The following DHRSX variants were observed in gnomAD, a reference collection of about 807,000 sequenced individuals.
DHRSX encodes the protein dehydrogenase/reductase X-linked.
Under a neutral mutation model 34.0 loss-of-function variants are expected in DHRSX, and 31 were observed. That is an observed-to-expected ratio of 0.91 (90% CI 0.69 to 1.23). The LOEUF (loss-of-function observed/expected upper bound fraction) is 1.23, where lower values mean the gene tolerates loss of function less well. DHRSX is among the 50% of genes most tolerant of loss of function. The pLI is 0.00. For synonymous variants in DHRSX, 201 were observed against 183.8 expected, an observed-to-expected ratio of 1.09 and a Z score of -0.76; for missense variants, 414 against 428.1, an observed-to-expected ratio of 0.97 and a Z score of 0.29.
rs188830779 is a variant in DHRSX at position 2,420,925 on chromosome X, G to A, written c.217+4272C>T. Among the ~76,000 whole-genome samples the A allele has an allele frequency of 1.4e-3, 209 of 152,228 alleles. 1 individual carries two copies. The highest frequency in any genetic ancestry group is 4.8e-3 in the African/African-American group (199 of 41,532). ...AGATTTCATTATATTCTACTCAATT[G>A]CCTCATTATGACATAGCCAAACACG... is the stretch of plus-strand genomic sequence containing the variant. On this transcript the variant is annotated intron_variant, in intron 2 of 6. Coordinates refer to ENST00000334651, the MANE Select transcript of DHRSX (RefSeq NM_145177.3).
At chrX:2,500,534 C>G (rs1292086502) in intron 1 of DHRSX, 1 of 164,312 alleles carries the variant, frequency 6.1e-6, no homozygotes, top group African/African-American at 2.4e-5. Context: ...CGACCCGGGA[C>G]AGGCGGGGAG....
intron 3 of DHRSX, among the ~76,000 whole-genome samples, chrX:2,299,248 C>G (rs1462394254): frequency 2.0e-5 from 3 of 152,106 alleles, no homozygotes; most frequent in African/African-American, 7.2e-5. Context: ...CTAAGGAACT[C>G]ACACAGAATA....
Position 2,251,377 on chromosome X carries a change from C to G in DHRSX, c.597-8147G>C, listed in dbSNP as rs187173267. The stretch of plus-strand genomic sequence containing the variant: ...GCATGCTTATACTGGTCCAAGCAAG[C>G]ATTACGTCACAGCCTGTTCCTCTTC... On this transcript the variant is annotated intron_variant, in intron 5 of 6. Coordinates refer to ENST00000334651, the MANE Select transcript of DHRSX (RefSeq NM_145177.3). 1.2e-4 allele frequency among the ~76,000 whole-genome samples: 19 copies of G among 152,310 alleles called. No homozygotes were observed. In the East Asian group the frequency reaches 3.5e-3, roughly 28 times the overall value.
chrX:2,298,408 AC>A (rs1379259502), intron 3 of DHRSX, among the ~76,000 whole-genome samples: 3 of 150,894 alleles, frequency 2.0e-5, no homozygotes, highest in Non-Finnish European at 1.5e-5. Flanking sequence ...AAAAAAAAAA[AC>A]AATTTTCACA....
intron 3 of DHRSX, among the ~76,000 whole-genome samples, chrX:2,313,438 G>C (rs186595347): frequency 6.6e-6 from 1 of 151,330 alleles, no homozygotes; most frequent in Admixed American, 6.6e-5. Context: ...GTGCCATCTC[G>C]GCTCACTGCA....
At chrX:2,322,962 C>T (rs1481826121) in intron 3 of DHRSX, among the ~76,000 whole-genome samples, 8 of 151,816 alleles carry the variant, frequency 5.3e-5, no homozygotes, top group Non-Finnish European at 8.8e-5. Context: ...CTTGCTCTGT[C>T]GCCCAGGCTG....
chrX:2,456,259 A>T (rs1441474505), intron 1 of DHRSX, among the ~76,000 whole-genome samples: 1 of 152,162 alleles, frequency 6.6e-6, no homozygotes, highest in Non-Finnish European at 1.5e-5. Flanking sequence ...TGGAAGATGG[A>T]TGACTCATTT....
chrX:2,434,657 C>T (rs1424022950), intron 1 of DHRSX, among the ~76,000 whole-genome samples: 1 of 152,190 alleles, frequency 6.6e-6, no homozygotes, highest in Admixed American at 6.5e-5. Context: ...GGTGACAGAG[C>T]AAGACGCTGT....
intron 1 of DHRSX, among the ~76,000 whole-genome samples, chrX:2,433,166 A>G (rs1366640650): frequency 6.6e-6 from 1 of 152,134 alleles, no homozygotes; most frequent in Non-Finnish European, 1.5e-5. Flanking sequence ...TAAGCAAAGT[A>G]AAAAATAAAT....
intron 1 of DHRSX, among the ~76,000 whole-genome samples, chrX:2,480,133 T>G (rs747093163): frequency 6.6e-6 from 1 of 151,928 alleles, no homozygotes; most frequent in South Asian, 2.1e-4. Context: ...AATCAACAGA[T>G]GAGCGTATCA....
chrX:2,490,913 G>A (rs1281655951), intron 1 of DHRSX: 15 of 706,818 alleles, frequency 2.1e-5, no homozygotes, highest in South Asian at 3.7e-5. Flanking sequence ...CCTTCCTTGC[G>A]GGTCACTTTT....
intron 3 of DHRSX, among the ~76,000 whole-genome samples, chrX:2,372,758 G>A (rs1304609123): frequency 2.0e-5 from 3 of 151,790 alleles, no homozygotes; most frequent in Admixed American, 6.6e-5. Flanking sequence ...ACAGGCACCC[G>A]CCACCCTGCC....
chrX:2,360,658 G>T (rs1327403667), intron 3 of DHRSX, among the ~76,000 whole-genome samples: 3 of 151,976 alleles, frequency 2.0e-5, no homozygotes, highest in Non-Finnish European at 2.9e-5. Flanking sequence ...TGACTGAAGG[G>T]TTATTAATCT....
chrX:2,250,961 C>T (rs2016422000), intron 5 of DHRSX, among the ~76,000 whole-genome samples: 1 of 152,138 alleles, frequency 6.6e-6, no homozygotes, highest in Admixed American at 6.6e-5. Context: ...TTGGAAAGCT[C>T]GTACCCGGGA....
At chrX:2,269,994 C>A (rs763772289) in intron 4 of DHRSX, among the ~76,000 whole-genome samples, 1 of 152,084 alleles carries the variant, frequency 6.6e-6, no homozygotes, top group Non-Finnish European at 1.5e-5. Flanking sequence ...TTATATGGAG[C>A]TATCTATACA....
At chrX:2,286,316 A>C (rs1262266247) in intron 4 of DHRSX, among the ~76,000 whole-genome samples, 2 of 151,132 alleles carry the variant, frequency 1.3e-5, no homozygotes, top group Non-Finnish European at 2.9e-5. Flanking sequence ...TCTGATGCAC[A>C]AACCAAGGCA....
intron 3 of DHRSX, among the ~76,000 whole-genome samples, chrX:2,350,696 G>A (rs944010317): frequency 7.2e-5 from 11 of 152,152 alleles, no homozygotes; most frequent in Non-Finnish European, 1.5e-4. Context: ...GAGTTAACAA[G>A]ACCGTATTAT....
intron 2 of DHRSX, among the ~76,000 whole-genome samples, chrX:2,410,758 T>C (rs1371440214): frequency 3.3e-5 from 5 of 152,216 alleles, no homozygotes; most frequent in Admixed American, 6.5e-5. Flanking sequence ...GTGAAACTTA[T>C]GAAGTTGGAA....
chrX:2,266,368 T>C (rs1303639130), intron 5 of DHRSX, among the ~76,000 whole-genome samples: 169 of 96,894 alleles, frequency 1.7e-3, no homozygotes, highest in African/African-American at 2.4e-3. Context: ...GCTCGGCAGA[T>C]GCAGGGAGCA....
Sources: gnomAD v4.1 joint callset for allele counts (sites outside exome capture counted in the v4.1 genomes callset) on GRCh38, gnomAD v4.1.1 for gene constraint, MANE v1.5 for transcripts, NCBI Gene and HGNC (gene_info 2026-07-23, HGNC 2026-07-21) for gene names.